ARGFX: variants seen among roughly 807,000 people sequenced by gnomAD.
ARGFX encodes the protein arginine-fifty homeobox.
Under a neutral mutation model 8.0 loss-of-function variants are expected in ARGFX, and 10 were observed. The observed-to-expected ratio is 1.25, with a 90% CI of 0.77 to 2.12. The LOEUF is 2.12. ARGFX is among the 30% of genes most tolerant of loss of function. ARGFX has a pLI of 0.00. For synonymous variants in ARGFX, 116 were observed against 117.8 expected (o/e 0.98, Z 0.10); for missense variants, 282 against 324.3 (o/e 0.87, Z 1.00).
At chr3:121,575,816 G>A (rs1280889861) in intron 2 of ARGFX, among the ~76,000 whole-genome samples, 1 of 152,112 alleles carries the variant, frequency 6.6e-6, no homozygotes, top group Non-Finnish European at 1.5e-5. Context: ...GGGAGGCTGA[G>A]GCAGGAGAAT....
At chr3:121,581,898 A>G (rs2048782608) in intron 3 of ARGFX, among the ~76,000 whole-genome samples, 1 of 151,642 alleles carries the variant, frequency 6.6e-6, no homozygotes, top group South Asian at 2.1e-4. Flanking sequence ...GGTGAGGGAG[A>G]CTCTGTAAAA....
chr3:121,575,180 C>T (rs1351796662), intron 2 of ARGFX, among the ~76,000 whole-genome samples: 2 of 152,014 alleles, frequency 1.3e-5, no homozygotes, highest in Admixed American at 6.6e-5. Flanking sequence ...ATTAGCTGAG[C>T]GTGGTGGCGT....
chr3:121,573,487 G>GA lies in ARGFX; in HGVS notation c.103+2681dup, dbSNP rs372853710. 3.5e-3 allele frequency among the ~76,000 whole-genome samples: 494 copies of GA among 140,212 alleles called. 2 individuals are homozygous for GA. The highest frequency in any genetic ancestry group is 0.012 in the African/African-American group (467 of 38,482). 92.0% of individuals were successfully genotyped at this position (140,212 alleles called of 152,430 possible). A position where few individuals can be genotyped will look rare whatever the true frequency, so the allele number is the denominator to read the frequency against. On this transcript the variant is annotated intron_variant, in intron 2 of 4. Transcript: ENST00000334384. ...GAGAGAGAGACTCTGTCTCAAAAAA[G>GA]AAAAAAAAAAGTAAAATGGCAAACT...
At position 121,586,605 on chromosome 3, in the gene ARGFX, A is replaced by G. The variant is rs1273522958; in HGVS notation, c.*5A>G. On this transcript the variant is annotated 3_prime_UTR_variant, in exon 5 of 5. Transcript: ENST00000334384. ...GTAGACTTGGGATTTCTCTGACCAG[A>G]GTACTAATAAATATAGATCATTTAG... The G allele has an allele frequency of 6.2e-7, 1 of 1,603,884 alleles. No individual in the cohort carries two copies. The highest frequency in any genetic ancestry group is 2.2e-5 in the East Asian group (1 of 44,816).
Position 121,588,577 on chromosome 3 carries a change from T to G in ARGFX, c.*1977T>G, listed in dbSNP as rs564688039. ...AGTACCTAGAAATTCACAAAAAAAT[T>G]AATACCTCTGTGGAGAAAACTTCAA... is the stretch of plus-strand genomic sequence containing the variant. On this transcript the variant is annotated 3_prime_UTR_variant, in exon 5 of 5. Coordinates refer to ENST00000334384, the MANE Select transcript of ARGFX (RefSeq NM_001012659.2). Among the ~76,000 whole-genome samples the G allele has an allele frequency of 6.6e-6, 1 of 151,250 alleles. No homozygotes were observed. Among genetic ancestry groups the G allele is most frequent in the African/African-American group, 2.4e-5 (1 of 41,348 alleles).
At chr3:121,579,042 C>G (rs1408431116) in intron 3 of ARGFX, among the ~76,000 whole-genome samples, 1 of 152,128 alleles carries the variant, frequency 6.6e-6, no homozygotes, top group Non-Finnish European at 1.5e-5. Flanking sequence ...CTGCTTAAAA[C>G]TTTTCCACAG....
chr3:121,570,867 A>C, intron 2 of ARGFX, 51 bp downstream of exon 2: 27 of 1,263,906 alleles, frequency 2.1e-5, no homozygotes, highest in East Asian at 2.7e-5. Flanking sequence ...CCCCATTCTC[A>C]TGCAGCCCTA....
rs374136547 is a variant in ARGFX, at chr3:121,572,275, C to T, written c.103+1459C>T. 1.4e-4 allele frequency among the ~76,000 whole-genome samples: 18 copies of T among 128,590 alleles called. No homozygotes were observed. In the East Asian group the frequency reaches 3.9e-3, roughly 28 times the overall value. The allele number at this position is 128,590 out of a possible 152,430, so 84.4% of individuals were successfully genotyped here. The stretch of plus-strand genomic sequence containing the variant: ...TTTTTTTTAAAGACGGAGTTTCGCT[C>T]TTGTTGCCCAGGCTGGAGTGCAATG... On this transcript the variant is annotated intron_variant, in intron 2 of 4. Transcript: ENST00000334384.
At position 121,588,093 on chromosome 3, in the gene ARGFX, CT is replaced by C. The variant is rs946824149; in HGVS notation, c.*1497del. Among the ~76,000 whole-genome samples, 16 of 151,802 alleles carry C rather than the reference CT, an allele frequency of 1.1e-4. No individual in the cohort carries two copies. The highest frequency in any genetic ancestry group is 2.4e-4 in the Non-Finnish European group (16 of 67,990). ...AAAACTCACAAAATAAAGAGTCAAA[CT>C]TTTAGAATGACAAGTTAGCATATTT... On this transcript the variant is annotated 3_prime_UTR_variant, in exon 5 of 5. Transcript: ENST00000334384.
intron 2 of ARGFX, among the ~76,000 whole-genome samples, chr3:121,576,064 G>A (rs1334964157): frequency 6.6e-6 from 1 of 151,968 alleles, no homozygotes; most frequent in Admixed American, 6.6e-5. Context: ...TGTGAAAACT[G>A]AGACCCTCCA....
At chr3:121,576,415 C>T (rs537344889) in intron 2 of ARGFX, among the ~76,000 whole-genome samples, 14 of 152,150 alleles carry the variant, frequency 9.2e-5, no homozygotes, top group African/African-American at 2.6e-4. Context: ...CTCGACTCAC[C>T]GCAACCTCTG....
At chr3:121,583,356 C>A (rs1219965412) in intron 3 of ARGFX, among the ~76,000 whole-genome samples, 2 of 151,012 alleles carry the variant, frequency 1.3e-5, no homozygotes, top group African/African-American at 4.8e-5. Context: ...AAGAAAAAAC[C>A]CTTTTCCTTT....
Position 121,586,634 on chromosome 3 carries a change from AG to A in ARGFX, c.*35del. On this transcript the variant is annotated 3_prime_UTR_variant, in exon 5 of 5. Transcript: ENST00000334384. ...CTAATAAATATAGATCATTTAGAAAAGTGGTCTTCTTGCCTCTTGTACATGA... is the reference window on the plus strand; with the variant it reads ...CTAATAAATATAGATCATTTAGAAAATGGTCTTCTTGCCTCTTGTACATGA... 1.3e-6 allele frequency: 2 copies of A among 1,544,078 alleles called. No homozygotes were observed. Among genetic ancestry groups the A allele is most frequent in the Non-Finnish European group, 1.8e-6 (2 of 1,139,242 alleles).
chr3:121,581,151 A>G (rs571847532), intron 3 of ARGFX, among the ~76,000 whole-genome samples: 26 of 152,164 alleles, frequency 1.7e-4, no homozygotes, highest in Admixed American at 1.2e-3. Flanking sequence ...TATTTTTAGT[A>G]AAGATGGGGT....
At position 121,587,721 on chromosome 3, in the gene ARGFX, C is replaced by A. The variant is rs1313422105; in HGVS notation, c.*1121C>A. On this transcript the variant is annotated 3_prime_UTR_variant, in exon 5 of 5. Transcript: ENST00000334384. ...TCACCCAGGCTGGAGTGCAGTGGCA[C>A]CATCTTGGCTCACTGCAGCCTCTGC... Among the ~76,000 whole-genome samples, 1 of 152,094 alleles carries A rather than the reference C, an allele frequency of 6.6e-6. No individual in the cohort carries two copies. The highest frequency in any genetic ancestry group is 2.4e-5 in the African/African-American group (1 of 41,428).
Position 121,590,455 on chromosome 3 carries a change from A to G in ARGFX, c.*3855A>G, listed in dbSNP as rs769141563. ...CTTCTTCCCCAAAATCTTTATCCCC[A>G]CCCCCACCTCTATCTTTCTCTCTCT... On this transcript the variant is annotated 3_prime_UTR_variant, in exon 5 of 5. Transcript: ENST00000334384. Among the ~76,000 whole-genome samples, 9 of 97,652 alleles carry G rather than the reference A, an allele frequency of 9.2e-5. No individual in the cohort carries two copies. Among genetic ancestry groups the G allele is most frequent in the Non-Finnish European group, 1.7e-4 (8 of 47,598 alleles). 64.1% of individuals were successfully genotyped at this position (97,652 alleles called of 152,430 possible).
At chr3:121,568,207 A>AGTGAAT (rs1387337328) in intron 1 of ARGFX, among the ~76,000 whole-genome samples, 194 bp downstream of exon 1, 3 of 152,174 alleles carry the variant, frequency 2.0e-5, no homozygotes, top group Non-Finnish European at 4.4e-5. Context: ...AAAATCAGGG[A>AGTGAAT]GTGAATGTGA....
In ARGFX at chr3:121,569,069, G is replaced by A. The variant is rs532586429; in HGVS notation, c.-13+1056G>A. 3.9e-5 allele frequency among the ~76,000 whole-genome samples: 6 copies of A among 152,206 alleles called. No individual in the cohort carries two copies. The East Asian group carries it at 7.7e-4, about 20-fold the overall frequency. On this transcript the variant is annotated intron_variant, in intron 1 of 4. Coordinates refer to ENST00000334384, the MANE Select transcript of ARGFX (RefSeq NM_001012659.2). ...CAAAATAAAATGATAAATGCGTGAC[G>A]TGTTAACTATATTTTCCACACACAA...
chr3:121,576,786 T>G lies in ARGFX; in HGVS notation c.106T>G (p.Phe36Val), dbSNP rs896907695. ...TTCCTTTTCTTTTTTTGAGACAGGT[T>G]TCACTCTGTTATCCAAGCTGGAGTG... ...IPPQDPASPSFTLLSKLECSG... is the reference protein window; with the variant it reads ...IPPQDPASPSVTLLSKLECSG... The change falls in exon 3 of 5, where the codon TTC (phenylalanine) becomes GTC (valine). Residue 36 changes from phenylalanine to valine, a missense_variant and splice_region_variant. Phe to Val is a conservative substitution (Grantham distance 50). Coordinates refer to ENST00000334384, the MANE Select transcript of ARGFX (RefSeq NM_001012659.2). 9.6e-6 allele frequency: 4 copies of G among 414,628 alleles called. No individual in the cohort carries two copies. The highest frequency in any genetic ancestry group is 8.6e-5 in the African/African-American group (4 of 46,518). The allele number at this position is 414,628 out of a possible 1,614,324, so 25.7% of individuals were successfully genotyped here. A position where few individuals can be genotyped will look rare whatever the true frequency, so the allele number is the denominator to read the frequency against.
Sources: allele counts gnomAD v4.1 joint callset (sites outside exome capture counted in the v4.1 genomes callset), GRCh38; gene constraint gnomAD v4.1.1; transcripts MANE v1.5; gene names NCBI Gene and HGNC (gene_info 2026-07-23, HGNC 2026-07-21).